The following EGFL7 variants were observed in gnomAD, a reference collection of about 807,000 sequenced individuals.
The protein encoded by EGFL7 is EGF like domain multiple 7.
EGFL7 carries 48 observed loss-of-function variants against 37.1 expected under a neutral mutation model. The observed-to-expected ratio is 1.29, with a 90% CI of 1.03 to 1.65. The LOEUF is 1.65. EGFL7 is among the 40% of genes most tolerant of loss of function. The pLI is 0.00. For synonymous variants in EGFL7, 180 were observed against 156.8 expected (o/e 1.15, Z -1.10); for missense variants, 384 against 378.9 (o/e 1.01, Z -0.11).
rs1299609442 is a variant in EGFL7, at chr9:136,666,027, T to G, written c.-43+1242T>G. 1.4e-5 allele frequency among the ~76,000 whole-genome samples: 2 copies of G among 141,412 alleles called. No homozygotes were observed. The highest frequency in any genetic ancestry group is 3.1e-5 in the Non-Finnish European group (2 of 64,794). The allele number at this position is 141,412 out of a possible 152,430, so 92.8% of individuals were successfully genotyped here. A position where few individuals can be genotyped will look rare whatever the true frequency, so the allele number is the denominator to read the frequency against. On this transcript the variant is annotated intron_variant, in intron 3 of 10. Transcript: ENST00000308874. The surrounding 1 kb of genome is among the most constrained non-coding windows in gnomAD (Gnocchi z 6.8). ...GCTGGGTCGGGCCGGGCCGGGAGAA[T>G]GGGCCCAGCGGCCCCGGGAACCGGC...
rs114942022 is a variant in EGFL7 at position 136,667,544 on chromosome 9, C to T, written c.-42-697C>T. ...GGGTTGGATTCCGGTTCCGGTGACACTGTCGGGGGCTGCTCCTCACCCCCA... is the reference window on the plus strand; with the variant it reads ...GGGTTGGATTCCGGTTCCGGTGACATTGTCGGGGGCTGCTCCTCACCCCCA... On this transcript the variant is annotated intron_variant, in intron 3 of 10. Transcript: ENST00000308874. Among the ~76,000 whole-genome samples, 580 of 152,316 alleles carry T rather than the reference C, an allele frequency of 3.8e-3. 3 individuals carry two copies. Among genetic ancestry groups the T allele is most frequent in the African/African-American group, 0.013 (552 of 41,574 alleles).
chr9:136,672,397 GC>G lies in EGFL7; in HGVS notation c.*113del. The G allele has an allele frequency of 7.5e-7, 1 of 1,324,896 alleles. No homozygotes were observed. The highest frequency in any genetic ancestry group is 1.1e-6 in the Non-Finnish European group (1 of 929,256). The allele number at this position is 1,324,896 out of a possible 1,614,324, so 82.1% of individuals were successfully genotyped here. A position where few individuals can be genotyped will look rare whatever the true frequency, so the allele number is the denominator to read the frequency against. ...CCACCTCGGGGTGACTGAGCGGAAG[GC>G]CAGGCAGGGCCTTCCTCCTCTTCCT... On this transcript the variant is annotated 3_prime_UTR_variant, in exon 11 of 11. Transcript: ENST00000308874.
At chr9:136,662,908 G>GC (rs1845235183), upstream of EGFL7, 1 of 152,280 alleles carries the variant, frequency 6.6e-6, no homozygotes, top group African/African-American at 2.4e-5. Context: ...GCCCTTCCTC[G>GC]CCCGGGGGGA....
In EGFL7 at chr9:136,669,720, A is replaced by T; in HGVS notation, c.312A>T (p.Ala104=). ...GCGGGCTTCCTGGGGCCTGTGGAGC[A>T]GGTGAGGGCTATGTCCCTCGGCGCC... ...RTSGLPGACG[A]AICQPPCRNG... is the part of the protein sequence containing the mutation. The change falls in exon 6 of 11, where the codon GCA becomes GCT. Residue 104 remains alanine (A), a splice_region_variant and synonymous_variant. Transcript: ENST00000308874. 2.5e-6 allele frequency: 4 copies of T among 1,587,532 alleles called. No individual in the cohort carries two copies. The highest frequency in any genetic ancestry group is 3.4e-6 in the Non-Finnish European group (4 of 1,166,950).
At chr9:136,669,772 A>G in intron 6 of EGFL7, 51 bp downstream of exon 6, 1 of 1,483,104 alleles carries the variant, frequency 6.7e-7, no homozygotes, top group Non-Finnish European at 9.1e-7. Flanking sequence ...ACTGTTCCCC[A>G]ATCTTCCAGC....
chr9:136,670,689 G>A lies in EGFL7; in HGVS notation c.572-261G>A, dbSNP rs143790661. On this transcript the variant is annotated intron_variant, in intron 8 of 10. Transcript: ENST00000308874. ...GTAATAATGCGCCGTCCACGGCACC[G>A]CATCGAAAACGCCGCTGAGACCTCA... The A allele has an allele frequency of 6.8e-4, 528 of 771,996 alleles. 3 individuals carry two copies. The highest frequency in any genetic ancestry group is 6.0e-3 in the African/African-American group (357 of 59,122). The allele number at this position is 771,996 out of a possible 1,614,324, so 47.8% of individuals were successfully genotyped here.
In EGFL7 at chr9:136,668,366, A is replaced by G. The variant is rs1164911131; in HGVS notation, c.80+4A>G. On this transcript the variant is annotated splice_donor_region_variant and intron_variant, in intron 4 of 10. Coordinates refer to ENST00000308874, the MANE Select transcript of EGFL7 (RefSeq NM_016215.5). ...CAGAGCACGCCTACCGGCCCGGGTG[A>G]GCCAAGCCCTAGCCTGGGAGTGCTG... 3 of 1,592,600 alleles carry G rather than the reference A, an allele frequency of 1.9e-6. No homozygotes were observed. The Admixed American group carries it at 5.2e-5, about 27-fold the overall frequency.
In EGFL7 at chr9:136,669,719, C is replaced by T; in HGVS notation, c.311C>T (p.Ala104Val). 1 of 1,586,888 alleles carries T rather than the reference C, an allele frequency of 6.3e-7. No individual in the cohort carries two copies. Among genetic ancestry groups the T allele is most frequent in the Non-Finnish European group, 8.6e-7 (1 of 1,166,600 alleles). The change falls in exon 6 of 11, where the codon GCA becomes GTA. Residue 104 changes from alanine (A) to valine (V), a missense_variant and splice_region_variant. Physicochemically the swap from Ala to Val is moderately conservative, Grantham distance 64 (BLOSUM62 0). Coordinates refer to ENST00000308874, the MANE Select transcript of EGFL7 (RefSeq NM_016215.5). Reference sequence around the variant, plus strand: ...AGCGGGCTTCCTGGGGCCTGTGGAGCAGGTGAGGGCTATGTCCCTCGGCGC... The same window carrying T: ...AGCGGGCTTCCTGGGGCCTGTGGAGTAGGTGAGGGCTATGTCCCTCGGCGC... The part of the protein sequence containing the change: ...RTSGLPGACG[A>V]AICQPPCRNG...
chr9:136,668,700 C>A (rs1399234491), intron 5 of EGFL7, 27 bp downstream of exon 5: 1 of 1,561,390 alleles, frequency 6.4e-7, no homozygotes, highest in East Asian at 2.2e-5. Flanking sequence ...ACCGAGCTCA[C>A]CCAGCCCCAG....
intron 5 of EGFL7, 115 bp downstream of exon 5, chr9:136,668,788 GC>G: frequency 2.0e-6 from 2 of 993,006 alleles, no homozygotes; most frequent in Non-Finnish European, 1.5e-6. Context: ...GGAAACTGAG[GC>G]CAGAGCCATG....
chr9:136,672,113 C>T (rs1845950849), intron 10 of EGFL7, 25 bp downstream of exon 10: 1 of 1,549,840 alleles, frequency 6.5e-7, no homozygotes, highest in South Asian at 1.2e-5. Context: ...CCTCCAGAGC[C>T]CTCCTCCCGG....
In EGFL7 at chr9:136,669,590, C is replaced by T. The variant is rs781028040; in HGVS notation, c.198-16C>T. The T allele has an allele frequency of 1.3e-6, 2 of 1,595,242 alleles. No homozygotes were observed. The highest frequency in any genetic ancestry group is 1.3e-5 in the African/African-American group (1 of 74,698). On this transcript the variant is annotated splice_polypyrimidine_tract_variant and intron_variant, in intron 5 of 10. Transcript: ENST00000308874. ...GGAGTAGGATGCCCCTCTGAGCTGT[C>T]CCACCCACCCCACAGAACCATCTAT...
chr9:136,665,550 G>C (rs563325166), intron 3 of EGFL7, among the ~76,000 whole-genome samples: 1 of 152,292 alleles, frequency 6.6e-6, no homozygotes, highest in Non-Finnish European at 1.5e-5. Context: ...CTGCCGCGGG[G>C]ACTCGGGCCC....
chr9:136,668,817 G>A, intron 5 of EGFL7, 144 bp downstream of exon 5: 1 of 740,092 alleles, frequency 1.4e-6, no homozygotes, highest in Non-Finnish European at 2.3e-6. Context: ...TGCCTGAGAT[G>A]GGCGACCCAG....
upstream of EGFL7, among the ~76,000 whole-genome samples, chr9:136,660,002 T>G (rs1330570833): frequency 6.6e-6 from 1 of 152,174 alleles, no homozygotes; most frequent in Non-Finnish European, 1.5e-5. Flanking sequence ...GAGGCACTGC[T>G]GACTCCCAAA....
rs1845737850 is a variant in EGFL7 at position 136,669,975 on chromosome 9, C to T, written c.375C>T (p.Cys125=). The T allele has an allele frequency of 6.2e-7, 1 of 1,603,300 alleles. No homozygotes were observed. Among genetic ancestry groups the T allele is most frequent in the Admixed American group, 1.7e-5 (1 of 59,352 alleles). Reference sequence around the variant, plus strand: ...GTGTCCAGCCTGGCCGCTGCCGCTGCCCTGCAGGATGGCGGGGTGACACTT... The same window carrying T: ...GTGTCCAGCCTGGCCGCTGCCGCTGTCCTGCAGGATGGCGGGGTGACACTT... ...GSCVQPGRCR[C]PAGWRGDTCQ... is the part of the protein sequence containing the mutation. The change falls in exon 7 of 11, where the codon TGC becomes TGT. Residue 125 remains cysteine (C), a synonymous_variant. Coordinates refer to ENST00000308874, the MANE Select transcript of EGFL7 (RefSeq NM_016215.5).
intron 2 of EGFL7, 57 bp downstream of exon 2, chr9:136,663,680 G>C (rs1425839725): frequency 6.6e-6 from 1 of 152,254 alleles, no homozygotes; most frequent in Non-Finnish European, 1.5e-5. Flanking sequence ...TGGGCAAATG[G>C]GTGACTCTGT....
chr9:136,671,545 G>A (rs1372000357), intron 9 of EGFL7, among the ~76,000 whole-genome samples: 1 of 151,966 alleles, frequency 6.6e-6, no homozygotes, highest in Non-Finnish European at 1.5e-5. Flanking sequence ...ACCCCCCAGG[G>A]CCGGAGGAAC....
In EGFL7 at chr9:136,672,029, T is replaced by G. The variant is rs1564285831; in HGVS notation, c.740T>G (p.Leu247Arg). ...GSLLVHSFQQ[L>R]GRIDSLSEQI... ...CTCCTGGTGCACTCCTTCCAGCAGC[T>G]CGGCCGCATCGACTCCCTGAGCGAG... Residue 247 changes from leucine (L) to arginine (R), a missense_variant, in exon 10 of 11, where the codon CTC becomes CGC. Physicochemically the swap from Leu to Arg is moderately radical, Grantham distance 102. Coordinates refer to ENST00000308874, the MANE Select transcript of EGFL7 (RefSeq NM_016215.5). 6.5e-7 allele frequency: 1 copy of G among 1,544,834 alleles called. No individual in the cohort carries two copies.
Sources: gnomAD v4.1 joint callset for allele counts (sites outside exome capture counted in the v4.1 genomes callset) on GRCh38, gnomAD v4.1.1 for gene constraint, Gnocchi (gnomAD v3.1) non-coding constraint, MANE v1.5 for transcripts, NCBI Gene and HGNC (gene_info 2026-07-23, HGNC 2026-07-21) for gene names.